The following TMTC2 variants were observed in gnomAD, a reference collection of about 807,000 sequenced individuals.
TMTC2 encodes transmembrane O-mannosyltransferase targeting cadherins 2.
TMTC2 carries 43 observed loss-of-function variants against 82.4 expected under a neutral mutation model. The ratio of observed to expected loss-of-function variants is 0.52; its 90% CI spans 0.41 to 0.67. The LOEUF is 0.67. TMTC2 is among the 30% of genes least tolerant of loss of function. TMTC2 has a pLI of 0.00. For synonymous variants in TMTC2, 408 were observed against 381.9 expected, an observed-to-expected ratio of 1.07 and a Z score of -0.80; for missense variants, 919 against 1,012.4, an observed-to-expected ratio of 0.91 and a Z score of 1.25.
intron 11 of TMTC2, among the ~76,000 whole-genome samples, chr12:83,073,219 A>G (rs1243329947): frequency 6.6e-6 from 1 of 152,100 alleles, no homozygotes; most frequent in Non-Finnish European, 1.5e-5. Context: ...GAAAAAGACT[A>G]TCTTTCCTTC....
chr12:82,956,485 T>C (rs1230672245), intron 4 of TMTC2, among the ~76,000 whole-genome samples: 1 of 152,130 alleles, frequency 6.6e-6, no homozygotes, highest in East Asian at 1.9e-4. Flanking sequence ...ACAGAGTCAA[T>C]GTCACCCAGG....
intron 1 of TMTC2, among the ~76,000 whole-genome samples, chr12:82,698,087 C>T (rs1417681110): frequency 6.6e-6 from 1 of 152,102 alleles, no homozygotes; most frequent in African/African-American, 2.4e-5. Context: ...ACACTTAAAC[C>T]TTAGCTTTAA....
intron 1 of TMTC2, among the ~76,000 whole-genome samples, chr12:82,818,308 A>G (rs1868872325): frequency 6.6e-6 from 1 of 152,010 alleles, no homozygotes; most frequent in Non-Finnish European, 1.5e-5. Context: ...ATATTGTGTT[A>G]TTTTCTTCTC....
chr12:82,730,252 G>GCACTCCA (rs1565725463), intron 1 of TMTC2, among the ~76,000 whole-genome samples: 1 of 143,184 alleles, frequency 7.0e-6, no homozygotes, highest in Non-Finnish European at 1.5e-5. Context: ...CCAAGATTGC[G>GCACTCCA]CTACTGCACT....
intron 8 of TMTC2, among the ~76,000 whole-genome samples, chr12:83,017,918 C>A (rs916682684): frequency 7.1e-6 from 1 of 141,074 alleles, no homozygotes; most frequent in African/African-American, 2.5e-5. Context: ...AAATCCAATG[C>A]TGTCTTCAGT....
intron 8 of TMTC2, among the ~76,000 whole-genome samples, chr12:82,999,165 C>T (rs1449572928): frequency 6.6e-6 from 1 of 152,110 alleles, no homozygotes; most frequent in Non-Finnish European, 1.5e-5. Context: ...TCTCCTTAGG[C>T]TCCTCTTGCT....
chr12:82,845,760 A>G (rs969762016), intron 1 of TMTC2, among the ~76,000 whole-genome samples: 15 of 152,068 alleles, frequency 9.9e-5, no homozygotes, highest in African/African-American at 2.7e-4. Context: ...TTAATCAGTG[A>G]AAGTGCTTAG....
chr12:83,038,035 G>T (rs1881732497), intron 9 of TMTC2, among the ~76,000 whole-genome samples: 1 of 150,582 alleles, frequency 6.6e-6, no homozygotes, highest in African/African-American at 2.4e-5. Flanking sequence ...ACTATCGCAA[G>T]GACAAAAAAC....
At chr12:82,848,661 G>C (rs543612540) in intron 1 of TMTC2, among the ~76,000 whole-genome samples, 19 of 152,276 alleles carry the variant, frequency 1.2e-4, no homozygotes, top group African/African-American at 4.1e-4. Flanking sequence ...AATAGAGACA[G>C]AAGAGGGAAT....
rs151091136 is a variant in TMTC2, at chr12:82,703,863, A to T, written c.83+16194A>T. Among the ~76,000 whole-genome samples the T allele has an allele frequency of 3.2e-3, 492 of 152,300 alleles. 1 individual carries two copies. The highest frequency in any genetic ancestry group is 0.011 in the African/African-American group (442 of 41,560). ...AATAAGCTTTTGAGGTGACATCAAG[A>T]CATGTTAGAATGGAAGTTCTCCAGA... On this transcript the variant is annotated intron_variant, in intron 1 of 11. Coordinates refer to ENST00000321196, the MANE Select transcript of TMTC2 (RefSeq NM_152588.3).
At chr12:82,910,207 AG>A (rs1399532558) in intron 3 of TMTC2, among the ~76,000 whole-genome samples, 11 of 152,222 alleles carry the variant, frequency 7.2e-5, no homozygotes, top group Non-Finnish European at 1.0e-4. Flanking sequence ...TTATTGTAAA[AG>A]GATTTGATGT....
At chr12:82,827,701 C>CTCTT (rs1319266946) in intron 1 of TMTC2, among the ~76,000 whole-genome samples, 12 of 129,494 alleles carry the variant, frequency 9.3e-5, no homozygotes, top group Admixed American at 2.2e-4. Context: ...CTTTCTTTCT[C>CTCTT]TCTTTCTTTC....
At chr12:82,700,761 C>G (rs149221763) in intron 1 of TMTC2, among the ~76,000 whole-genome samples, 5 of 152,250 alleles carry the variant, frequency 3.3e-5, no homozygotes, top group African/African-American at 7.2e-5. Context: ...GATATAGTAT[C>G]TAGGAGTATG....
chr12:82,945,466 T>C (rs958945513), intron 4 of TMTC2, among the ~76,000 whole-genome samples: 1 of 152,216 alleles, frequency 6.6e-6, no homozygotes, highest in Non-Finnish European at 1.5e-5. Context: ...AAGAAGTTCA[T>C]AATCACATCC....
intron 1 of TMTC2, among the ~76,000 whole-genome samples, chr12:82,842,988 G>A (rs1414692984): frequency 6.6e-6 from 1 of 152,168 alleles, no homozygotes; most frequent in Non-Finnish European, 1.5e-5. Context: ...GGCAAGGCAG[G>A]ACATGGCACA....
At chr12:83,055,248 TC>T (rs1283398858) in intron 10 of TMTC2, among the ~76,000 whole-genome samples, 3 of 152,060 alleles carry the variant, frequency 2.0e-5, no homozygotes, top group Non-Finnish European at 2.9e-5. Context: ...AGTTAGAAGA[TC>T]AGTGAATTTC....
At chr12:82,986,240 G>T in intron 8 of TMTC2, 194 bp downstream of exon 8, 4 of 610,230 alleles carry the variant, frequency 6.6e-6, no homozygotes, top group Non-Finnish European at 1.1e-5. Context: ...GTCTAGATAA[G>T]ATGTGAGATG....
chr12:82,969,414 A>T (rs1255395501), intron 7 of TMTC2, among the ~76,000 whole-genome samples: 1 of 151,770 alleles, frequency 6.6e-6, no homozygotes, highest in Non-Finnish European at 1.5e-5. Flanking sequence ...TTCCCATTCT[A>T]TTTTTTTCTT....
intron 3 of TMTC2, among the ~76,000 whole-genome samples, chr12:82,912,290 G>A (rs7300837): frequency 0.071 from 10,792 of 152,162 alleles, 468 homozygotes; most frequent in African/African-American, 0.1. Context: ...AAAGCATGGC[G>A]TTTTCTTCTT....
Sources: allele counts gnomAD v4.1 joint callset (sites outside exome capture counted in the v4.1 genomes callset), GRCh38; gene constraint gnomAD v4.1.1; transcripts MANE v1.5; gene names NCBI Gene and HGNC (gene_info 2026-07-23, HGNC 2026-07-21).